Variants in NUAK1 observed in about 807,000 individuals in gnomAD.
NUAK1 encodes the protein NUAK family kinase 1.
A neutral mutation model predicts 56.9 loss-of-function variants in NUAK1; 26 were observed. That is an observed-to-expected ratio of 0.46 (90% CI 0.33 to 0.63). NUAK1 has a LOEUF of 0.63. Among genes scored for constraint, NUAK1 ranks in the 30% least tolerant of loss-of-function variants. The pLI is 0.02. For missense variants in NUAK1, 727 were observed against 876.1 expected (o/e 0.83, Z 2.15); for synonymous variants, 337 against 336.0 (o/e 1.00, Z -0.03).
chr12:106,078,291 C>A (rs1310699759), intron 4 of NUAK1, among the ~76,000 whole-genome samples: 1 of 152,186 alleles, frequency 6.6e-6, no homozygotes, highest in Non-Finnish European at 1.5e-5. Flanking sequence ...GTGAGTGCTA[C>A]ATATATTGAT....
chr12:106,107,245 C>T (rs757310483), intron 1 of NUAK1, among the ~76,000 whole-genome samples: 1 of 152,020 alleles, frequency 6.6e-6, no homozygotes, highest in African/African-American at 2.4e-5. Flanking sequence ...CAGAGACCTG[C>T]CAGGGCCAAC....
chr12:106,080,824 T>C (rs2032510312), intron 4 of NUAK1, among the ~76,000 whole-genome samples: 1 of 152,208 alleles, frequency 6.6e-6, no homozygotes. Flanking sequence ...GCTGCTCATG[T>C]CCCGCTGGTT....
chr12:106,136,595 TA>T (rs1318156362), intron 1 of NUAK1, among the ~76,000 whole-genome samples: 1 of 152,140 alleles, frequency 6.6e-6, no homozygotes, highest in Non-Finnish European at 1.5e-5. Flanking sequence ...AGGTCTGAGG[TA>T]GTGCCCCAGC....
Position 106,066,737 on chromosome 12 carries a change from G to A in NUAK1, c.*65C>T, listed in dbSNP as rs1436321344. ...CAGCCAGCAAAGAGGTAACCAGCCT[G>A]TGAGCCCAAGTCTTGCTCCCCTTCC... On this transcript the variant is annotated 3_prime_UTR_variant, in exon 7 of 7. Coordinates refer to ENST00000261402, the MANE Select transcript of NUAK1 (RefSeq NM_014840.3). 7.6e-7 allele frequency: 1 copy of A among 1,308,178 alleles called. No homozygotes were observed. Among genetic ancestry groups the A allele is most frequent in the African/African-American group, 1.5e-5 (1 of 68,008 alleles). 81.0% of individuals were successfully genotyped at this position (1,308,178 alleles called of 1,614,324 possible).
At position 106,083,914 on chromosome 12, in the gene NUAK1, G is replaced by A. The variant is rs776610014; in HGVS notation, c.529C>T (p.Arg177Trp). The A allele has an allele frequency of 1.2e-6, 2 of 1,614,036 alleles. No homozygotes were observed. The highest frequency in any genetic ancestry group is 1.7e-6 in the Non-Finnish European group (2 of 1,179,932). ...AGTATATTTTCCAGCTTCAAGTCCC[G>A]GTGGACCACACCGTTCTGAAATGAG... ...HYCHKNGVVH[R>W]DLKLENILLD... The change falls in exon 4 of 7, where the codon CGG (arginine) becomes TGG (tryptophan). Residue 177 changes from arginine (R) to tryptophan (W), a missense_variant. Coordinates refer to ENST00000261402, the MANE Select transcript of NUAK1 (RefSeq NM_014840.3).
At chr12:106,086,978 C>A in intron 2 of NUAK1, 93 bp from the exon 3 acceptor site, 1 of 1,492,964 alleles carries the variant, frequency 6.7e-7, no homozygotes, top group South Asian at 1.3e-5. Context: ...ACGGAGATGT[C>A]GCCAGGCAGA....
intron 6 of NUAK1, among the ~76,000 whole-genome samples, chr12:106,069,191 T>C (rs1163731027): frequency 1.3e-5 from 2 of 152,220 alleles, no homozygotes; most frequent in East Asian, 3.8e-4. Context: ...TCAAAATCAA[T>C]ATTCGCAGCT....
chr12:106,138,336 AC>A lies in NUAK1; in HGVS notation c.240+77del, dbSNP rs2033149106. On this transcript the variant is annotated intron_variant, in intron 1 of 6. Transcript: ENST00000261402. The surrounding 1 kb of genome is among the most constrained non-coding windows in gnomAD (Gnocchi z 5.0). ...GTCAAGAGAGCCCCAGGGCGCACAG[AC>A]CCCCGCCTCGCACGCCCTCAGTCCC... 1 of 1,503,442 alleles carries A rather than the reference AC, an allele frequency of 6.7e-7. No homozygotes were observed. The highest frequency in any genetic ancestry group is 1.4e-5 in the African/African-American group (1 of 70,898). 93.1% of individuals were successfully genotyped at this position (1,503,442 alleles called of 1,614,324 possible). A position where few individuals can be genotyped will look rare whatever the true frequency, so the allele number is the denominator to read the frequency against.
Position 106,095,854 on chromosome 12 carries a change from A to G in NUAK1, c.362-8969T>C, listed in dbSNP as rs576120815. Among the ~76,000 whole-genome samples the G allele has an allele frequency of 3.3e-5, 5 of 152,322 alleles. No homozygotes were observed. The East Asian group carries it at 9.7e-4, about 29-fold the overall frequency. Reference sequence around the variant, plus strand: ...GCTCTCTTTCATTCTTTTGGTCCCTAGGGCTGTTCCAAGCATGGGTGTCAA... The same window carrying G: ...GCTCTCTTTCATTCTTTTGGTCCCTGGGGCTGTTCCAAGCATGGGTGTCAA... On this transcript the variant is annotated intron_variant, in intron 2 of 6. Coordinates refer to ENST00000261402, the MANE Select transcript of NUAK1 (RefSeq NM_014840.3).
At chr12:106,116,539 T>A (rs2032918630) in intron 1 of NUAK1, among the ~76,000 whole-genome samples, 1 of 152,236 alleles carries the variant, frequency 6.6e-6, no homozygotes, top group Admixed American at 6.5e-5. Context: ...TATTTCTGCC[T>A]TCTCAATGAA....
chr12:106,075,992 T>C (rs2032461248), intron 4 of NUAK1, among the ~76,000 whole-genome samples: 1 of 152,242 alleles, frequency 6.6e-6, no homozygotes, highest in African/African-American at 2.4e-5. Context: ...TTAAGGTAAT[T>C]ATTTAGGGCT....
At chr12:106,136,309 ACAGCGGGACTTCAGATTTG>A (rs1204012588) in intron 1 of NUAK1, among the ~76,000 whole-genome samples, 1 of 152,228 alleles carries the variant, frequency 6.6e-6, no homozygotes, top group Non-Finnish European at 1.5e-5. Context: ...GAACAATAAC[ACAGCGGGACTTCAGATTTG>A]CGGCTGGTAA....
intron 1 of NUAK1, among the ~76,000 whole-genome samples, chr12:106,131,794 G>C (rs191507200): frequency 6.6e-6 from 1 of 152,138 alleles, no homozygotes; most frequent in Non-Finnish European, 1.5e-5. Context: ...AAAGTTTACC[G>C]AAGAGTTTCG....
Position 106,072,851 on chromosome 12 carries a change from G to C in NUAK1, c.580-8C>G. 1 of 1,613,800 alleles carries C rather than the reference G, an allele frequency of 6.2e-7. No individual in the cohort carries two copies. The highest frequency in any genetic ancestry group is 1.7e-5 in the Admixed American group (1 of 60,020). On this transcript the variant is annotated splice_polypyrimidine_tract_variant and splice_region_variant and intron_variant, in intron 4 of 6. Transcript: ENST00000261402. ...AAGCCCAAAGTCAGCAATCTACAAA[G>C]AGAAGCAAGACCCAGGGAGACTTGT...
intron 1 of NUAK1, among the ~76,000 whole-genome samples, chr12:106,129,219 T>A (rs950983871): frequency 2.6e-5 from 4 of 152,352 alleles, no homozygotes; most frequent in Non-Finnish European, 1.5e-5. Flanking sequence ...ATGCTGTGCA[T>A]ACAATGCTAA....
At chr12:106,128,060 T>C (rs2033040606) in intron 1 of NUAK1, among the ~76,000 whole-genome samples, 1 of 151,974 alleles carries the variant, frequency 6.6e-6, no homozygotes, top group Admixed American at 6.6e-5. Flanking sequence ...CAGTTGATTA[T>C]CTCAAGGTTA....
chr12:106,112,818 C>G (rs755796311), intron 1 of NUAK1, among the ~76,000 whole-genome samples: 1 of 152,228 alleles, frequency 6.6e-6, no homozygotes, highest in African/African-American at 2.4e-5. Context: ...TAGCTAGGAG[C>G]TTTTCCTTCA....
At chr12:106,108,212 G>A (rs78485103) in intron 1 of NUAK1, among the ~76,000 whole-genome samples, 5,499 of 152,200 alleles carry the variant, frequency 0.036, 336 homozygotes, top group African/African-American at 0.13. Context: ...AAATAATACT[G>A]CCACGACAAG....
chr12:106,125,296 C>T lies in NUAK1; in HGVS notation c.240+13118G>A, dbSNP rs555240320. ...ACTGGGAGCATATAAATGAGTAAGA[C>T]ATAGAACGACTGGGATCATGAAATT... On this transcript the variant is annotated intron_variant, in intron 1 of 6. Coordinates refer to ENST00000261402, the MANE Select transcript of NUAK1 (RefSeq NM_014840.3). Among the ~76,000 whole-genome samples the T allele has an allele frequency of 1.1e-4, 17 of 152,318 alleles. No homozygotes were observed. In the South Asian group the frequency reaches 3.5e-3, roughly 32 times the overall value.
Sources: allele counts gnomAD v4.1 joint callset (sites outside exome capture counted in the v4.1 genomes callset), GRCh38; gene constraint gnomAD v4.1.1; non-coding constraint Gnocchi (gnomAD v3.1); transcripts MANE v1.5; gene names NCBI Gene and HGNC (gene_info 2026-07-23, HGNC 2026-07-21).